Variants in VPS13D observed in about 807,000 individuals in gnomAD.
VPS13D encodes intermembrane lipid transfer protein VPS13D.
A neutral mutation model predicts 461.9 loss-of-function variants in VPS13D; 187 were observed. That is an observed-to-expected ratio of 0.40 (90% CI 0.36 to 0.46). VPS13D has a LOEUF of 0.46. Among genes scored for constraint, VPS13D ranks in the 20% least tolerant of loss-of-function variants. The pLI, the probability that VPS13D is intolerant of heterozygous loss-of-function variation, is 0.60. For missense variants in VPS13D, 4,711 were observed against 5,364.9 expected, an observed-to-expected ratio of 0.88 and a Z score of 3.81; for synonymous variants, 1,951 against 1,986.3, an observed-to-expected ratio of 0.98 and a Z score of 0.47.
chr1:12,322,640 C>T lies in VPS13D; in HGVS notation c.7809C>T (p.Asp2603=). ...AGCAAGCTAATGCTGCAGTGCCAGA[C>T]TCAGTGGCCCTGGAGTCAGACTCCG... The part of the protein sequence containing the change: ...IPEQANAAVP[D]SVALESDSVG... Residue 2603 remains aspartate (D), a synonymous_variant, in exon 34 of 70, where the codon GAC becomes GAT. Coordinates refer to ENST00000620676, the MANE Select transcript of VPS13D (RefSeq NM_015378.4). The T allele has an allele frequency of 6.2e-7, 1 of 1,614,238 alleles. No homozygotes were observed. Among genetic ancestry groups the T allele is most frequent in the Non-Finnish European group, 8.5e-7 (1 of 1,180,036 alleles).
intron 60 of VPS13D, among the ~76,000 whole-genome samples, chr1:12,394,178 C>G (rs1644465432): frequency 6.6e-6 from 1 of 152,154 alleles, no homozygotes; most frequent in South Asian, 2.1e-4. Context: ...TCAAGGGGTT[C>G]TGGGTCTGTA....
At chr1:12,426,485 G>T (rs1644926043) in intron 65 of VPS13D, among the ~76,000 whole-genome samples, 1 of 152,214 alleles carries the variant, frequency 6.6e-6, no homozygotes, top group Non-Finnish European at 1.5e-5. Flanking sequence ...GAATTAGGGA[G>T]AGTTGTGCAT....
At position 12,404,068 on chromosome 1, in the gene VPS13D, T is replaced by C. The variant is rs1484513310; in HGVS notation, c.12030+95T>C. ...TGTTGTTTGTTGTTGTGTGTGTGTG[T>C]GCTTTTTTTTTTGTCCCTCATCATC... On this transcript the variant is annotated intron_variant, in intron 63 of 69. Coordinates refer to ENST00000620676, the MANE Select transcript of VPS13D (RefSeq NM_015378.4). 10 of 1,169,682 alleles carry C rather than the reference T, an allele frequency of 8.5e-6. No homozygotes were observed. In the South Asian group the frequency reaches 1.9e-4, roughly 23 times the overall value. The allele number at this position is 1,169,682 out of a possible 1,614,324, so 72.5% of individuals were successfully genotyped here.
rs544284933 is a variant in VPS13D at position 12,479,390 on chromosome 1, T to C, written c.12663-18110T>C. On this transcript the variant is annotated intron_variant, in intron 67 of 69. Transcript: ENST00000620676. ...GTGTCTGTCACTTCCAGATTGCTGC[T>C]TGTCTGCAATGGACAATGCCTCTTA... 1.0e-3 allele frequency among the ~76,000 whole-genome samples: 158 copies of C among 152,346 alleles called. 1 individual carries two copies. Among genetic ancestry groups the C allele is most frequent in the African/African-American group, 3.4e-3 (141 of 41,586 alleles).
intron 27 of VPS13D, among the ~76,000 whole-genome samples, chr1:12,310,853 T>C (rs1642723867): frequency 9.4e-6 from 1 of 106,878 alleles, no homozygotes; most frequent in Admixed American, 1.1e-4. Context: ...CCTTCCCTCC[T>C]TCCTTCCTTC....
At chr1:12,372,223 G>GA (rs1268518382) in intron 54 of VPS13D, among the ~76,000 whole-genome samples, 5 of 151,606 alleles carry the variant, frequency 3.3e-5, no homozygotes, top group Non-Finnish European at 5.9e-5. Context: ...CCAGCTAATT[G>GA]AAAAAAAATT....
chr1:12,265,883 G>C (rs757372216), intron 13 of VPS13D, among the ~76,000 whole-genome samples: 5 of 152,240 alleles, frequency 3.3e-5, no homozygotes, highest in Non-Finnish European at 7.3e-5. Flanking sequence ...CCAAGGCTGG[G>C]CGTGGTGGCT....
chr1:12,323,357 T>C (rs1395158588), intron 34 of VPS13D, among the ~76,000 whole-genome samples: 1 of 152,080 alleles, frequency 6.6e-6, no homozygotes, highest in Non-Finnish European at 1.5e-5. Context: ...ATTACTGGTG[T>C]GAGCCACTAC....
rs770143707 is a variant in VPS13D, at chr1:12,290,994, C to T, written c.5726-4C>T. 6 of 1,605,628 alleles carry T rather than the reference C, an allele frequency of 3.7e-6. No individual in the cohort carries two copies. The highest frequency in any genetic ancestry group is 1.7e-6 in the Non-Finnish European group (2 of 1,177,754). On this transcript the variant is annotated splice_polypyrimidine_tract_variant and splice_region_variant and intron_variant, in intron 22 of 69. Coordinates refer to ENST00000620676, the MANE Select transcript of VPS13D (RefSeq NM_015378.4). The stretch of plus-strand genomic sequence containing the variant: ...GTAATGTGTTCTAACTTTATCATCC[C>T]TAGAGGGAGACCTGGCCTTACAGGG...
chr1:12,361,426 C>T (rs369439120), intron 50 of VPS13D, among the ~76,000 whole-genome samples: 19 of 143,292 alleles, frequency 1.3e-4, no homozygotes, highest in African/African-American at 2.7e-4. Flanking sequence ...GACGGAGTCT[C>T]GCTCTGTCGC....
intron 62 of VPS13D, among the ~76,000 whole-genome samples, 156 bp downstream of exon 62, chr1:12,401,860 C>G (rs1644586249): frequency 6.6e-6 from 1 of 152,168 alleles, no homozygotes; most frequent in Admixed American, 6.5e-5. Flanking sequence ...TTCAGTTGTG[C>G]TTTTTCAAAG....
chr1:12,420,281 A>G (rs1227850724), intron 65 of VPS13D, among the ~76,000 whole-genome samples: 1 of 152,202 alleles, frequency 6.6e-6, no homozygotes, highest in Non-Finnish European at 1.5e-5. Context: ...ATCAACGTTT[A>G]AAGTTGTTTT....
intron 18 of VPS13D, among the ~76,000 whole-genome samples, chr1:12,274,103 C>T (rs757789152): frequency 8.6e-5 from 13 of 152,020 alleles, no homozygotes; most frequent in Admixed American, 7.2e-4. Flanking sequence ...TGTGGTGGCG[C>T]CATCTCAGGT....
rs74620973 is a variant in VPS13D, at chr1:12,503,316, T to G, written c.12795-3537T>G. 6.3e-3 allele frequency among the ~76,000 whole-genome samples: 952 copies of G among 152,152 alleles called. 10 individuals are homozygous for G. Among genetic ancestry groups the G allele is most frequent in the African/African-American group, 0.022 (907 of 41,522 alleles). On this transcript the variant is annotated intron_variant, in intron 68 of 69. Coordinates refer to ENST00000620676, the MANE Select transcript of VPS13D (RefSeq NM_015378.4). Reference sequence around the variant, plus strand: ...GCCCAGAGTATCCTCTTTCTCTCCTTAAAGGGGAGTTAAAACTTTTTTCTT... The same window carrying G: ...GCCCAGAGTATCCTCTTTCTCTCCTGAAAGGGGAGTTAAAACTTTTTTCTT...
chr1:12,275,814 T>C lies in VPS13D; in HGVS notation c.2237-11T>C. On this transcript the variant is annotated splice_polypyrimidine_tract_variant and intron_variant, in intron 18 of 69. Transcript: ENST00000620676. ...AGACATATATTTGAATCTTCTTTTT[T>C]TTATCTTCAGATAACTCCAGGAGGA... is the stretch of plus-strand genomic sequence containing the variant. 6.5e-7 allele frequency: 1 copy of C among 1,549,874 alleles called. No individual in the cohort carries two copies. Among genetic ancestry groups the C allele is most frequent in the South Asian group, 1.2e-5 (1 of 81,876 alleles).
At chr1:12,318,379 T>C (rs781747398) in intron 31 of VPS13D, 42 bp downstream of exon 31, 5 of 1,578,860 alleles carry the variant, frequency 3.2e-6, no homozygotes, top group East Asian at 2.3e-5. Flanking sequence ...TTAGTTTGGA[T>C]GTTAGGCTCA....
intron 67 of VPS13D, among the ~76,000 whole-genome samples, chr1:12,485,872 C>A (rs748334420): frequency 6.6e-6 from 1 of 152,124 alleles, no homozygotes; most frequent in African/African-American, 2.4e-5. Context: ...CCAGGTTGAC[C>A]GTCGCAGCAC....
rs1050315206 is a variant in VPS13D, at chr1:12,257,040, G to A, written c.894G>A (p.Arg298=). ...EFLKELERKE[R]QVKFRRWKPK... ...TCAAGGAGCTGGAACGAAAGGAGAG[G>A]CAGGTGAAGTTCCGAAGGTGGAAAC... The change falls in exon 9 of 70, where the codon AGG becomes AGA. Residue 298 remains arginine (R), a synonymous_variant. Transcript: ENST00000620676. 5 of 1,614,064 alleles carry A rather than the reference G, an allele frequency of 3.1e-6. No homozygotes were observed. Among genetic ancestry groups the A allele is most frequent in the African/African-American group, 2.7e-5 (2 of 74,918 alleles).
At chr1:12,497,338 C>T (rs559464960) in intron 67 of VPS13D, 162 bp from the exon 68 acceptor site, 13 of 736,734 alleles carry the variant, frequency 1.8e-5, no homozygotes, top group South Asian at 6.3e-5. Flanking sequence ...GGTCTTTAAC[C>T]GCTATTTCAT....
Sources: allele counts gnomAD v4.1 joint callset (sites outside exome capture counted in the v4.1 genomes callset), GRCh38; gene constraint gnomAD v4.1.1; transcripts MANE v1.5; gene names NCBI Gene and HGNC (gene_info 2026-07-23, HGNC 2026-07-21).